The following OASL variants were observed in gnomAD, a reference collection of about 807,000 sequenced individuals.
The protein encoded by OASL is 2'-5'-oligoadenylate synthase-like protein.
A neutral mutation model predicts 35.3 loss-of-function variants in OASL; 28 were observed. The ratio of observed to expected loss-of-function variants is 0.79; its 90% CI spans 0.59 to 1.09. OASL has a LOEUF of 1.09. OASL is among the 50% of genes least tolerant of loss of function. The pLI, the probability that OASL is intolerant of heterozygous loss-of-function variation, is 0.00. For missense variants in OASL, 620 were observed against 635.2 expected, an observed-to-expected ratio of 0.98 and a Z score of 0.26; for synonymous variants, 252 against 254.6, an observed-to-expected ratio of 0.99 and a Z score of 0.10.
chr12:121,039,236 C>G, exon 1 of OASL: 1 of 506,072 alleles, frequency 2.0e-6, no homozygotes, highest in Non-Finnish European at 3.6e-6. Flanking sequence ...GGCTGGCCGT[C>G]TAGTCAATCT....
intron 1 of OASL, 95 bp downstream of exon 1, chr12:121,038,664 CATCAGCATGGGCTAG>C (rs1247315333): frequency 2.0e-6 from 2 of 1,012,786 alleles, no homozygotes; most frequent in Admixed American, 1.9e-5. Context: ...TCTGAGATGT[CATCAGCATGGGCTAG>C]GGATAAGGAG....
chr12:121,038,831 C>T, exon 1 of OASL: 2 of 1,614,154 alleles, frequency 1.2e-6, no homozygotes, highest in East Asian at 2.2e-5. Context: ...CCTGGAAATG[C>T]TCCTGCCTCA....
At chr12:121,021,680 G>A (rs1262640337) in intron 5 of OASL, among the ~76,000 whole-genome samples, 1 of 152,118 alleles carries the variant, frequency 6.6e-6, no homozygotes, top group Non-Finnish European at 1.5e-5. Flanking sequence ...GTGTGGTGGC[G>A]TATGCCTGTA....
chr12:121,022,376 C>T (rs1869281443), intron 5 of OASL, among the ~76,000 whole-genome samples: 1 of 152,152 alleles, frequency 6.6e-6, no homozygotes, highest in Non-Finnish European at 1.5e-5. Context: ...TGAGCCACCG[C>T]ACCTGGCCAA....
At chr12:121,031,286 C>T (rs935466342) in intron 3 of OASL, among the ~76,000 whole-genome samples, 156 bp downstream of exon 3, 2 of 152,244 alleles carry the variant, frequency 1.3e-5, no homozygotes, top group Non-Finnish European at 2.9e-5. Flanking sequence ...TCTTCACTGA[C>T]GGTTTCACTT....
intron 4 of OASL, among the ~76,000 whole-genome samples, chr12:121,024,438 G>A (rs1869395733): frequency 6.6e-6 from 1 of 152,054 alleles, no homozygotes; most frequent in Non-Finnish European, 1.5e-5. Flanking sequence ...CCAACGTGGT[G>A]AAACCCTGTC....
exon 6 of OASL, chr12:121,020,735 C>A: frequency 6.2e-7 from 1 of 1,614,160 alleles, no homozygotes; most frequent in Non-Finnish European, 8.5e-7. Flanking sequence ...GCTTCAGACC[C>A]AGGATGAAGC....
chr12:121,024,608 A>C (rs1181510381), intron 4 of OASL, among the ~76,000 whole-genome samples: 1 of 151,508 alleles, frequency 6.6e-6, no homozygotes. Context: ...ACCGAGTGAG[A>C]CTGTCTCAAA....
At chr12:121,037,683 A>G (rs1057371034) in intron 1 of OASL, among the ~76,000 whole-genome samples, 1 of 151,778 alleles carries the variant, frequency 6.6e-6, no homozygotes, top group African/African-American at 2.4e-5. Flanking sequence ...GAGGCAGGGG[A>G]ATTGCTTGAA....
At position 121,030,780 on chromosome 12, in the gene OASL, G is replaced by A. The variant is rs529983228; in HGVS notation, c.657+662C>T. Among the ~76,000 whole-genome samples the A allele has an allele frequency of 2.0e-5, 3 of 152,166 alleles. No individual in the cohort carries two copies. The South Asian group carries it at 6.2e-4, about 32-fold the overall frequency. On this transcript the variant is annotated intron_variant, in intron 3 of 5. Coordinates refer to ENST00000257570, the Ensembl canonical transcript of OASL. ...TTGTTAGTCCTTAACCTGCTGTGAC[G>A]AATGGCCACAGTACCCGGCGAAGCT...
intron 1 of OASL, among the ~76,000 whole-genome samples, chr12:121,038,496 C>A (rs1462429085): frequency 6.6e-6 from 1 of 152,146 alleles, no homozygotes; most frequent in African/African-American, 2.4e-5. Context: ...GTAAACTGGG[C>A]AAAGAATAGT....
chr12:121,024,192 C>G, intron 4 of OASL, 55 bp from the exon 5 acceptor site: 1 of 1,568,484 alleles, frequency 6.4e-7, no homozygotes, highest in African/African-American at 1.4e-5. Context: ...GCCTTCAAGC[C>G]AGAAAAAAAC....
Position 121,033,216 on chromosome 12 carries a change from G to A in OASL, c.481+245C>T, listed in dbSNP as rs144836150. On this transcript the variant is annotated intron_variant, in intron 2 of 5. Transcript: ENST00000257570. The stretch of plus-strand genomic sequence containing the variant: ...TGGGATTACAGGCGTGAGCCACCGC[G>A]CCCAGGCTGCAATCATGTATTTATC... Among the ~76,000 whole-genome samples, 305 of 152,188 alleles carry A rather than the reference G, an allele frequency of 2.0e-3. 2 individuals are homozygous for A. The highest frequency in any genetic ancestry group is 6.6e-3 in the African/African-American group (275 of 41,538).
At chr12:121,020,364 G>T in exon 6 of OASL, 1 of 551,986 alleles carries the variant, frequency 1.8e-6, no homozygotes, top group Non-Finnish European at 3.2e-6. Context: ...TGAACTCCTC[G>T]GCTCAAGCGC....
At chr12:121,020,036 G>C (rs1344618363) in exon 6 of OASL, 2 of 152,864 alleles carry the variant, frequency 1.3e-5, no homozygotes, top group Non-Finnish European at 2.9e-5. Context: ...TGCGTCATGT[G>C]ACCACACTAT....
exon 6 of OASL, chr12:121,020,942 G>T (rs1429197570): frequency 6.2e-7 from 1 of 1,614,188 alleles, no homozygotes; most frequent in Admixed American, 1.7e-5. Flanking sequence ...GGCCAGAGTA[G>T]CCCCTGGTCC....
chr12:121,021,801 ACT>A (rs1251245175), intron 5 of OASL, among the ~76,000 whole-genome samples: 3 of 152,122 alleles, frequency 2.0e-5, no homozygotes, highest in South Asian at 2.1e-4. Context: ...ACAAAGGGAG[ACT>A]CTGTCTCAAA....
intron 4 of OASL, among the ~76,000 whole-genome samples, chr12:121,025,095 G>T (rs1057015526): frequency 6.7e-6 from 1 of 149,134 alleles, no homozygotes; most frequent in Non-Finnish European, 1.5e-5. Flanking sequence ...TCTCTGCCTC[G>T]GCCTCCTGAG....
chr12:121,021,482 G>A (rs1290152829), intron 5 of OASL, among the ~76,000 whole-genome samples: 1 of 152,216 alleles, frequency 6.6e-6, no homozygotes, highest in Non-Finnish European at 1.5e-5. Context: ...AAATGCTGGC[G>A]AGGGTCAGGC....
Sources: gnomAD v4.1 joint callset for allele counts (sites outside exome capture counted in the v4.1 genomes callset) on GRCh38, gnomAD v4.1.1 for gene constraint, MANE v1.5 for transcripts, NCBI Gene and HGNC (gene_info 2026-07-23, HGNC 2026-07-21) for gene names.